CHRM3: variants seen among roughly 807,000 people sequenced by gnomAD.
The protein encoded by CHRM3 is cholinergic receptor muscarinic 3.
CHRM3 carries 11 observed loss-of-function variants against 41.8 expected under a neutral mutation model. The observed-to-expected ratio is 0.26, with a 90% CI of 0.17 to 0.44. CHRM3 has a LOEUF of 0.44. Ranked by LOEUF, CHRM3 falls within the 20% of genes least tolerant of loss-of-function variation. CHRM3 has a pLI of 1.00. For missense variants in CHRM3, 571 were observed against 745.4 expected (o/e 0.77, Z 2.72); for synonymous variants, 297 against 301.4 (o/e 0.99, Z 0.15).
chr1:239,595,777 A>C (rs1482984145), intron 3 of CHRM3, among the ~76,000 whole-genome samples: 1 of 152,212 alleles, frequency 6.6e-6, no homozygotes, highest in Non-Finnish European at 1.5e-5. Context: ...TGGATTGTAT[A>C]CCAGGGGAAT....
intron 5 of CHRM3, among the ~76,000 whole-genome samples, chr1:239,700,728 A>C (rs1660607501): frequency 6.6e-6 from 1 of 152,060 alleles, no homozygotes; most frequent in African/African-American, 2.4e-5. Flanking sequence ...ATTAAGAAAG[A>C]TGTGTGGGAC....
intron 5 of CHRM3, among the ~76,000 whole-genome samples, chr1:239,682,014 A>G (rs1411559493): frequency 2.6e-5 from 4 of 152,218 alleles, no homozygotes. Context: ...TTATCCAAAT[A>G]ATATGCCCGT....
chr1:239,817,318 C>G (rs1434837129), intron 5 of CHRM3, among the ~76,000 whole-genome samples: 1 of 152,114 alleles, frequency 6.6e-6, no homozygotes, highest in Non-Finnish European at 1.5e-5. Context: ...CAGGCTAGCT[C>G]TTCCTTCCAT....
intron 6 of CHRM3, among the ~76,000 whole-genome samples, chr1:239,898,749 A>G (rs945973210): frequency 6.6e-6 from 1 of 152,158 alleles, no homozygotes; most frequent in African/African-American, 2.4e-5. Context: ...TCTCCTTGGA[A>G]TTCATTATAA....
At chr1:239,403,578 A>G (rs778977802) in intron 1 of CHRM3, among the ~76,000 whole-genome samples, 3 of 152,026 alleles carry the variant, frequency 2.0e-5, no homozygotes. Flanking sequence ...ACATTTTGAG[A>G]GGGGTAGTCT....
At chr1:239,434,099 G>A (rs1420324161) in intron 1 of CHRM3, among the ~76,000 whole-genome samples, 1 of 152,150 alleles carries the variant, frequency 6.6e-6, no homozygotes. Context: ...CAGTCCTCCA[G>A]TCTTTTCCAC....
intron 5 of CHRM3, among the ~76,000 whole-genome samples, chr1:239,698,789 A>G (rs1660419818): frequency 6.6e-6 from 1 of 152,128 alleles, no homozygotes; most frequent in South Asian, 2.1e-4. Flanking sequence ...ACCAAGGTAT[A>G]CAGGTGCCAT....
At chr1:239,630,581 G>T (rs1463489889) in intron 3 of CHRM3, among the ~76,000 whole-genome samples, 1 of 152,182 alleles carries the variant, frequency 6.6e-6, no homozygotes, top group Non-Finnish European at 1.5e-5. Context: ...GGAGAGAAAT[G>T]ACTACATCCT....
chr1:239,886,800 C>A (rs1469523839), intron 6 of CHRM3, among the ~76,000 whole-genome samples: 2 of 152,152 alleles, frequency 1.3e-5, no homozygotes, highest in Admixed American at 1.3e-4. Flanking sequence ...TGTGTTCCAG[C>A]CCGGTTCCAA....
chr1:239,486,560 G>T (rs12072535), intron 1 of CHRM3, among the ~76,000 whole-genome samples: 1,687 of 152,258 alleles, frequency 0.011, 27 homozygotes, highest in South Asian at 0.038. Context: ...AATATTTTAG[G>T]TTCTGCAGGC....
chr1:239,712,637 T>C (rs1661923637), intron 5 of CHRM3, among the ~76,000 whole-genome samples: 1 of 152,210 alleles, frequency 6.6e-6, no homozygotes, highest in African/African-American at 2.4e-5. Context: ...AATACTTGCA[T>C]TGCAATCTTA....
chr1:239,661,979 C>A (rs1005106800), intron 4 of CHRM3, among the ~76,000 whole-genome samples: 3 of 151,370 alleles, frequency 2.0e-5, no homozygotes, highest in Non-Finnish European at 4.4e-5. Flanking sequence ...CCTAAAACTA[C>A]CATAAATAAT....
At chr1:239,769,821 C>T (rs1667517167) in intron 5 of CHRM3, among the ~76,000 whole-genome samples, 2 of 151,638 alleles carry the variant, frequency 1.3e-5, no homozygotes, top group Non-Finnish European at 2.9e-5. Flanking sequence ...GCAGAGGTTG[C>T]AGTGAGCAGA....
chr1:239,752,793 A>G (rs1306889787), intron 5 of CHRM3, among the ~76,000 whole-genome samples: 4 of 152,334 alleles, frequency 2.6e-5, no homozygotes, highest in Admixed American at 6.5e-5. Context: ...GAAATGTGAT[A>G]ATAATTTTAT....
chr1:239,404,731 T>TATA (rs1558196565), intron 1 of CHRM3, among the ~76,000 whole-genome samples: 2 of 125,168 alleles, frequency 1.6e-5, no homozygotes, highest in East Asian at 4.2e-4. Flanking sequence ...TATATATATA[T>TATA]ATATATATAT....
chr1:239,790,769 C>G (rs1669278155), intron 5 of CHRM3, among the ~76,000 whole-genome samples: 1 of 152,114 alleles, frequency 6.6e-6, no homozygotes, highest in African/African-American at 2.4e-5. Context: ...ATATTAGTTC[C>G]TAAACCTCAT....
chr1:239,658,444 T>C (rs1672905894), intron 4 of CHRM3, among the ~76,000 whole-genome samples: 1 of 152,344 alleles, frequency 6.6e-6, no homozygotes, highest in South Asian at 2.1e-4. Flanking sequence ...ATTTGCAACA[T>C]GAGGCCAGGG....
intron 5 of CHRM3, among the ~76,000 whole-genome samples, chr1:239,791,072 A>G (rs571217239): frequency 6.6e-6 from 1 of 151,842 alleles, no homozygotes; most frequent in East Asian, 1.9e-4. Context: ...AAACACACAA[A>G]ACTAGCATGT....
chr1:239,411,719 T>TAAAA (rs1469522235), intron 1 of CHRM3, among the ~76,000 whole-genome samples: 1 of 19,062 alleles, frequency 5.2e-5, no homozygotes, highest in Non-Finnish European at 1.0e-4. Flanking sequence ...AGCCTCTGTC[T>TAAAA]CAAAAAAAAA....
Sources: gnomAD v4.1 joint callset for allele counts (sites outside exome capture counted in the v4.1 genomes callset) on GRCh38, gnomAD v4.1.1 for gene constraint, MANE v1.5 for transcripts, NCBI Gene and HGNC (gene_info 2026-07-23, HGNC 2026-07-21) for gene names.